ABCC2: variants seen among roughly 807,000 people sequenced by gnomAD.
ABCC2 encodes ATP binding cassette subfamily C member 2, also known as ATP-binding cassette sub-family C member 2.
A neutral mutation model predicts 173.4 loss-of-function variants in ABCC2; 157 were observed. The ratio of observed to expected loss-of-function variants is 0.91; its 90% CI spans 0.80 to 1.03. The LOEUF is 1.03. Ranked by LOEUF, ABCC2 falls within the 50% of genes least tolerant of loss-of-function variation. The pLI is 0.00. For synonymous variants in ABCC2, 657 were observed against 693.5 expected, an observed-to-expected ratio of 0.95 and a Z score of 0.83; for missense variants, 1,822 against 1,852.3, an observed-to-expected ratio of 0.98 and a Z score of 0.30.
chr10:99,809,244 T>G (rs1014138400), intron 13 of ABCC2, among the ~76,000 whole-genome samples: 1 of 152,118 alleles, frequency 6.6e-6, no homozygotes, highest in Non-Finnish European at 1.5e-5. Context: ...TCCCAGCTAC[T>G]CGAGAGGCTG....
At chr10:99,841,857 G>A (rs2038950659) in intron 25 of ABCC2, 110 bp from the exon 26 acceptor site, 1 of 1,480,078 alleles carries the variant, frequency 6.8e-7, no homozygotes, top group Non-Finnish European at 9.3e-7. Flanking sequence ...GCCTAAGAGT[G>A]CGGCCCGATC....
intron 14 of ABCC2, among the ~76,000 whole-genome samples, 162 bp from the exon 15 acceptor site, chr10:99,811,374 T>G (rs1053606775): frequency 6.6e-6 from 1 of 151,470 alleles, no homozygotes; most frequent in Non-Finnish European, 1.5e-5. Flanking sequence ...TCTGGTCTCA[T>G]GGTCTCATTC....
At chr10:99,804,407 C>T in intron 10 of ABCC2, 134 bp downstream of exon 10, 1 of 1,198,070 alleles carries the variant, frequency 8.3e-7, no homozygotes. Flanking sequence ...CTCAATTGTA[C>T]TTAGCTGTCT....
intron 30 of ABCC2, among the ~76,000 whole-genome samples, chr10:99,848,328 GTA>G (rs1564702871): frequency 6.6e-6 from 1 of 152,234 alleles, no homozygotes; most frequent in African/African-American, 2.4e-5. Context: ...GGCCTTCAGT[GTA>G]TGTTTGCCTG....
intron 19 of ABCC2, 152 bp downstream of exon 19, chr10:99,819,421 CTT>C: frequency 5.0e-6 from 4 of 807,130 alleles, no homozygotes; most frequent in Non-Finnish European, 8.1e-6. Flanking sequence ...TTCTGTGTCT[CTT>C]TGAGGAAACA....
intron 24 of ABCC2, among the ~76,000 whole-genome samples, chr10:99,835,086 GA>G (rs2038799536): frequency 6.6e-6 from 1 of 152,224 alleles, no homozygotes; most frequent in Non-Finnish European, 1.5e-5. Flanking sequence ...GCAAAACAGG[GA>G]AACTGGAACG....
intron 19 of ABCC2, among the ~76,000 whole-genome samples, chr10:99,825,273 A>G (rs1475533498): frequency 6.6e-6 from 1 of 152,228 alleles, no homozygotes; most frequent in Non-Finnish European, 1.5e-5. Flanking sequence ...GGCCCTAAGC[A>G]ATGTAAAATC....
At chr10:99,784,353 G>C (rs974986595) in intron 1 of ABCC2, among the ~76,000 whole-genome samples, 1 of 152,126 alleles carries the variant, frequency 6.6e-6, no homozygotes, top group African/African-American at 2.4e-5. Context: ...CAGAATAGCT[G>C]GTACAAAATT....
chr10:99,820,146 C>T (rs1245460214), intron 19 of ABCC2, among the ~76,000 whole-genome samples: 1 of 152,184 alleles, frequency 6.6e-6, no homozygotes, highest in Non-Finnish European at 1.5e-5. Flanking sequence ...AATCCCAGCA[C>T]TTTGGGAGGC....
intron 11 of ABCC2, among the ~76,000 whole-genome samples, chr10:99,805,692 G>GTA (rs893943921): frequency 6.6e-6 from 1 of 152,086 alleles, no homozygotes; most frequent in African/African-American, 2.4e-5. Flanking sequence ...ATGTAGAAAA[G>GTA]TAGAGACTAT....
At chr10:99,850,132 C>A (rs2039068129) in intron 30 of ABCC2, among the ~76,000 whole-genome samples, 1 of 152,232 alleles carries the variant, frequency 6.6e-6, no homozygotes, top group Non-Finnish European at 1.5e-5. Context: ...AGAAATGCCA[C>A]TGGGGCATTC....
Position 99,792,280 on chromosome 10 carries a change from T to C in ABCC2, c.254T>C (p.Leu85Pro). The change falls in exon 3 of 32, where the codon CTT becomes CCT. Residue 85 changes from leucine (L) to proline (P), a missense_variant. Leu to Pro is a moderately conservative substitution (Grantham distance 98). Transcript: ENST00000647814. ...LLILAAIELA[L>P]VLTEDSGQAT... ...ATTCTAGCAGCCATAGAGCTGGCCC[T>C]TGTACTCACAGAAGACTCTGGACAA... 3.7e-6 allele frequency: 6 copies of C among 1,614,146 alleles called. No individual in the cohort carries two copies. The highest frequency in any genetic ancestry group is 5.1e-6 in the Non-Finnish European group (6 of 1,179,976).
At chr10:99,808,061 C>T (rs1292972740) in intron 12 of ABCC2, 22 bp from the exon 13 acceptor site, 3 of 1,613,626 alleles carry the variant, frequency 1.9e-6, no homozygotes, top group African/African-American at 2.7e-5. Context: ...GAATAAATTG[C>T]TCATGACCTT....
chr10:99,794,480 TGGA>T lies in ABCC2; in HGVS notation c.632+14_632+16del. On this transcript the variant is annotated intron_variant, in intron 6 of 31. Coordinates refer to ENST00000647814, the MANE Select transcript of ABCC2 (RefSeq NM_000392.5). ...AGCTGGTATGACAGGTAGGAAAGCC[TGGA>T]GTATGGATTGGCTGTATCCTTACTC... The T allele has an allele frequency of 6.2e-7, 1 of 1,608,424 alleles. No homozygotes were observed.
rs1564685419 is a variant in ABCC2, at chr10:99,814,576, T to TGTGTATATACACATATACACAC, written c.2094+1432_2094+1433insGTGTATATACACATATACACAC. Among the ~76,000 whole-genome samples, 54 of 108,582 alleles carry TGTGTATATACACATATACACAC rather than the reference T, an allele frequency of 5.0e-4. 7 individuals carry two copies. The highest frequency in any genetic ancestry group is 8.4e-4 in the Non-Finnish European group (41 of 48,970). The allele number at this position is 108,582 out of a possible 152,430, so 71.2% of individuals were successfully genotyped here. Reference sequence around the variant, plus strand: ...GTGTATATACACATATACACACACATATGTGTATATACACATATACACACA... The same window carrying TGTGTATATACACATATACACAC: ...GTGTATATACACATATACACACACATGTGTATATACACATATACACACATGTGTATATACACATATACACACA... On this transcript the variant is annotated intron_variant, in intron 16 of 31. Transcript: ENST00000647814.
intron 16 of ABCC2, among the ~76,000 whole-genome samples, chr10:99,815,517 G>A (rs533718755): frequency 9.0e-4 from 136 of 151,570 alleles, no homozygotes; most frequent in African/African-American, 2.0e-3. Context: ...TTTTTTTAAC[G>A]GAGGAAAATG....
rs994326024 is a variant in ABCC2 at position 99,815,664 on chromosome 10, A to G, written c.2095-1644A>G. Among the ~76,000 whole-genome samples, 3 of 152,224 alleles carry G rather than the reference A, an allele frequency of 2.0e-5. No homozygotes were observed. The East Asian group carries it at 5.8e-4, about 29-fold the overall frequency. ...TATAGATTTTCAGCTTTTTTTCTTA[A>G]GATCTTCATATATATATTGCTAAGG... On this transcript the variant is annotated intron_variant, in intron 16 of 31. Transcript: ENST00000647814.
chr10:99,814,525 A>ATACACACATATGTG (rs2038333500), intron 16 of ABCC2, among the ~76,000 whole-genome samples: 1 of 24,378 alleles, frequency 4.1e-5, no homozygotes, highest in East Asian at 4.1e-3. Flanking sequence ...ATATATACAT[A>ATACACACATATGTG]TATATACACA....
At chr10:99,795,685 G>A (rs990047090) in intron 6 of ABCC2, among the ~76,000 whole-genome samples, 4 of 145,608 alleles carry the variant, frequency 2.7e-5, no homozygotes, top group Admixed American at 7.2e-5. Context: ...GGCGACAAGA[G>A]CAAAATTCCA....
Sources: gnomAD v4.1 joint callset for allele counts (sites outside exome capture counted in the v4.1 genomes callset) on GRCh38, gnomAD v4.1.1 for gene constraint, MANE v1.5 for transcripts, NCBI Gene and HGNC (gene_info 2026-07-23, HGNC 2026-07-21) for gene names.